Variants in LRRC7 observed in about 807,000 individuals in gnomAD.
LRRC7 encodes leucine-rich repeat-containing protein 7.
Under a neutral mutation model 175.7 loss-of-function variants are expected in LRRC7, and 23 were observed. The ratio of observed to expected loss-of-function variants is 0.13; its 90% confidence interval spans 0.09 to 0.19. The LOEUF (loss-of-function observed/expected upper bound fraction) is 0.19, where lower values mean the gene tolerates loss of function less well. Ranked by LOEUF, LRRC7 falls within the 10% of genes least tolerant of loss-of-function variation. The probability of loss-of-function intolerance (pLI) is 1.00; values close to 1 mark genes in which losing one functional copy is unlikely to be tolerated. For missense variants in LRRC7, 1,354 were observed against 1,904.7 expected, an observed-to-expected ratio of 0.71 and a Z score of 5.38; for synonymous variants, 685 against 680.9, an observed-to-expected ratio of 1.01 and a Z score of -0.09.
At chr1:69,933,319 A>G (rs1647582876) in intron 8 of LRRC7, among the ~76,000 whole-genome samples, 1 of 152,224 alleles carries the variant, frequency 6.6e-6, no homozygotes, top group Admixed American at 6.5e-5. Flanking sequence ...AGTACCTCAT[A>G]AATACATAGC....
chr1:69,704,555 T>A (rs1663783576), intron 2 of LRRC7, among the ~76,000 whole-genome samples: 1 of 152,034 alleles, frequency 6.6e-6, no homozygotes, highest in Admixed American at 6.6e-5. Flanking sequence ...TTTTATTTCA[T>A]GAAAGTTAAC....
intron 1 of LRRC7, among the ~76,000 whole-genome samples, chr1:69,582,282 A>C (rs1375393714): frequency 6.6e-6 from 1 of 152,174 alleles, no homozygotes. Flanking sequence ...TGCAGTGGTA[A>C]ATATAATCTC....
rs977309928 is a variant in LRRC7, at chr1:70,125,709, G to A, written c.*3822G>A. Among the ~76,000 whole-genome samples the A allele has an allele frequency of 3.0e-4, 43 of 144,838 alleles. 1 individual carries two copies. The highest frequency in any genetic ancestry group is 1.1e-3 in the African/African-American group (43 of 39,294). ...TGGGAGGCTGAGGCAGGAGAATGGCGTGAACCCAGGAGGCGGAGCTTGCAG... is the reference window on the plus strand; with the variant it reads ...TGGGAGGCTGAGGCAGGAGAATGGCATGAACCCAGGAGGCGGAGCTTGCAG... On this transcript the variant is annotated 3_prime_UTR_variant, in exon 27 of 27. Coordinates refer to ENST00000651989, the MANE Select transcript of LRRC7 (RefSeq NM_001370785.2).
At chr1:69,927,955 T>C (rs946755324) in intron 7 of LRRC7, among the ~76,000 whole-genome samples, 5 of 152,178 alleles carry the variant, frequency 3.3e-5, no homozygotes, top group Non-Finnish European at 7.3e-5. Context: ...ACTTTTGGTC[T>C]TTGATGATGG....
intron 7 of LRRC7, among the ~76,000 whole-genome samples, chr1:69,887,343 C>T (rs1464772864): frequency 1.5e-5 from 2 of 129,738 alleles, no homozygotes; most frequent in African/African-American, 3.2e-5. Context: ...CTCTAAACTT[C>T]CCTTCTCGCT....
At chr1:70,059,686 A>G (rs1482746892) in intron 23 of LRRC7, among the ~76,000 whole-genome samples, 1 of 151,770 alleles carries the variant, frequency 6.6e-6, no homozygotes, top group African/African-American at 2.4e-5. Flanking sequence ...TTTTTAATGT[A>G]ATACATTTCA....
At chr1:69,668,423 G>C (rs1399608057) in intron 1 of LRRC7, among the ~76,000 whole-genome samples, 1 of 152,034 alleles carries the variant, frequency 6.6e-6, no homozygotes, top group African/African-American at 2.4e-5. Flanking sequence ...GTGTTAGTTT[G>C]CTGAGAATGA....
intron 8 of LRRC7, among the ~76,000 whole-genome samples, chr1:69,959,363 G>A (rs960322009): frequency 5.7e-4 from 86 of 152,038 alleles, no homozygotes; most frequent in African/African-American, 2.0e-3. Context: ...ATAGAGACAA[G>A]GTAAATTTAG....
At chr1:69,574,134 A>T (rs183264455) in intron 1 of LRRC7, among the ~76,000 whole-genome samples, 2 of 152,162 alleles carry the variant, frequency 1.3e-5, no homozygotes, top group African/African-American at 4.8e-5. Flanking sequence ...GATGAGGGAG[A>T]TATTTAAATG....
At chr1:69,873,101 G>C (rs1029730733) in intron 7 of LRRC7, among the ~76,000 whole-genome samples, 16 of 152,180 alleles carry the variant, frequency 1.1e-4, no homozygotes, top group Admixed American at 2.0e-4. Context: ...AGAGTTATTG[G>C]AAATGAGTAG....
chr1:69,674,413 G>C lies in LRRC7; in HGVS notation c.3-3968G>C, dbSNP rs376369554. 1.1e-4 allele frequency among the ~76,000 whole-genome samples: 17 copies of C among 152,036 alleles called. 1 individual carries two copies. The highest frequency in any genetic ancestry group is 7.9e-4 in the Admixed American group (12 of 15,256). ...CTTTAAAATATTCTTTCATAAAGTT[G>C]TTCAAAGGATTAATGAAGTAAATGG... On this transcript the variant is annotated intron_variant, in intron 1 of 26. Transcript: ENST00000651989.
intron 5 of LRRC7, among the ~76,000 whole-genome samples, chr1:69,831,689 G>T (rs982873322): frequency 1.3e-5 from 2 of 151,628 alleles, no homozygotes; most frequent in African/African-American, 2.4e-5. Flanking sequence ...CAAATTTATG[G>T]CAACATCCTC....
chr1:70,115,510 C>T (rs1201340701), intron 26 of LRRC7, among the ~76,000 whole-genome samples: 1 of 152,158 alleles, frequency 6.6e-6, no homozygotes, highest in Non-Finnish European at 1.5e-5. Flanking sequence ...CACCATTACG[C>T]AATACTGATT....
intron 23 of LRRC7, among the ~76,000 whole-genome samples, chr1:70,054,617 A>G (rs1660998891): frequency 3.3e-5 from 3 of 91,458 alleles, no homozygotes; most frequent in South Asian, 3.8e-4. Flanking sequence ...TTTGAGACGG[A>G]GTCTTGCTCT....
chr1:69,909,595 G>C (rs1646453291), intron 7 of LRRC7, among the ~76,000 whole-genome samples: 1 of 152,036 alleles, frequency 6.6e-6, no homozygotes, highest in Admixed American at 6.6e-5. Flanking sequence ...GTTTAATATT[G>C]GCCCCCACTC....
At chr1:69,584,285 A>G (rs1425604874) in intron 1 of LRRC7, among the ~76,000 whole-genome samples, 1 of 148,864 alleles carries the variant, frequency 6.7e-6, no homozygotes, top group East Asian at 1.9e-4. Context: ...CTATTCTAGA[A>G]GACTTGGAAG....
rs1369399937 is a variant in LRRC7 at position 69,655,296 on chromosome 1, C to T, written c.3-23085C>T. Among the ~76,000 whole-genome samples, 4 of 152,194 alleles carry T rather than the reference C, an allele frequency of 2.6e-5. No individual in the cohort carries two copies. In the South Asian group the frequency reaches 8.3e-4, roughly 32 times the overall value. ...TGTGTTTTATTTTTTCTGTAATTAT[C>T]TCTACTACCACGTAGGCGGCTGATG... On this transcript the variant is annotated intron_variant, in intron 1 of 26. Transcript: ENST00000651989.
chr1:69,717,761 A>AG lies in LRRC7; in HGVS notation c.100+39283_100+39284insG, dbSNP rs1557640301. 7.4e-3 allele frequency among the ~76,000 whole-genome samples: 327 copies of AG among 44,338 alleles called. 86 individuals are homozygous for AG. The highest frequency in any genetic ancestry group is 0.022 in the East Asian group (44 of 1,974). The allele number at this position is 44,338 out of a possible 152,430, so 29.1% of individuals were successfully genotyped here. ...AATTTAAAAGATATTGGAACATGAA[A>AG]AAAAGAAAAAAAGAAAGAAAGAAAG... is the stretch of plus-strand genomic sequence containing the variant. On this transcript the variant is annotated intron_variant, in intron 2 of 26. Coordinates refer to ENST00000651989, the MANE Select transcript of LRRC7 (RefSeq NM_001370785.2).
At chr1:69,645,721 T>G (rs947903913) in intron 1 of LRRC7, among the ~76,000 whole-genome samples, 1 of 152,022 alleles carries the variant, frequency 6.6e-6, no homozygotes, top group Non-Finnish European at 1.5e-5. Flanking sequence ...AATTAATAAG[T>G]GTATCCTATA....
Sources: gnomAD v4.1 joint callset for allele counts (sites outside exome capture counted in the v4.1 genomes callset) on GRCh38, gnomAD v4.1.1 for gene constraint, MANE v1.5 for transcripts, NCBI Gene and HGNC (gene_info 2026-07-23, HGNC 2026-07-21) for gene names.